TPRG1: variants seen among roughly 807,000 people sequenced by gnomAD.
TPRG1 encodes tumor protein p63 regulated 1.
Under a neutral mutation model 29.3 loss-of-function variants are expected in TPRG1, and 29 were observed. That is an observed-to-expected ratio of 0.99 (90% CI 0.74 to 1.35). The LOEUF (loss-of-function observed/expected upper bound fraction) is 1.35, where lower values mean the gene tolerates loss of function less well. Among genes scored for constraint, TPRG1 ranks in the 40% most tolerant of loss-of-function variants. The pLI is 0.00. For synonymous variants in TPRG1, 130 were observed against 116.8 expected (o/e 1.11, Z -0.73); for missense variants, 327 against 335.0 (o/e 0.98, Z 0.19).
intron 3 of TPRG1, among the ~76,000 whole-genome samples, chr3:189,017,106 C>T (rs1156489370): frequency 1.3e-5 from 2 of 151,682 alleles, no homozygotes; most frequent in East Asian, 1.9e-4. Flanking sequence ...TTTCATAATC[C>T]CATATTTCTT....
At chr3:189,283,500 T>C (rs2109150185) in intron 4 of TPRG1, among the ~76,000 whole-genome samples, 1 of 152,348 alleles carries the variant, frequency 6.6e-6, no homozygotes, top group South Asian at 2.1e-4. Context: ...TCAGAGTGCT[T>C]TAATTTTAAT....
intron 2 of TPRG1, among the ~76,000 whole-genome samples, chr3:189,003,061 C>A (rs967538418): frequency 2.0e-5 from 3 of 152,112 alleles, no homozygotes; most frequent in African/African-American, 7.2e-5. Flanking sequence ...TCGGCTTAAC[C>A]TGTTAGGTGT....
At chr3:189,159,540 C>T (rs1169422609) in intron 5 of TPRG1, among the ~76,000 whole-genome samples, 1 of 152,098 alleles carries the variant, frequency 6.6e-6, no homozygotes, top group Non-Finnish European at 1.5e-5. Context: ...CCCACATAAA[C>T]TATAGAGTAC....
At chr3:189,103,523 T>C (rs1341779617) in intron 1 of TPRG1, among the ~76,000 whole-genome samples, 1 of 152,190 alleles carries the variant, frequency 6.6e-6, no homozygotes, top group East Asian at 1.9e-4. Flanking sequence ...AATCATTCCA[T>C]GTGTCCTTAT....
rs141912571 is a variant in TPRG1 at position 189,231,785 on chromosome 3, T to C, written c.303-6948T>C. On this transcript the variant is annotated intron_variant, in intron 3 of 5. Coordinates refer to ENST00000345063, the MANE Select transcript of TPRG1 (RefSeq NM_198485.4). ...CATCTGTATTTATCAGGATTGTTGGTGAAGATTAAAAGAGATGATATGTGC... is the reference window on the plus strand; with the variant it reads ...CATCTGTATTTATCAGGATTGTTGGCGAAGATTAAAAGAGATGATATGTGC... 3.6e-3 allele frequency among the ~76,000 whole-genome samples: 551 copies of C among 152,292 alleles called. 4 individuals are homozygous for C. The highest frequency in any genetic ancestry group is 0.012 in the African/African-American group (512 of 41,552).
intron 3 of TPRG1, among the ~76,000 whole-genome samples, chr3:189,218,395 C>T (rs913664469): frequency 2.0e-5 from 3 of 152,132 alleles, no homozygotes; most frequent in Non-Finnish European, 2.9e-5. Context: ...GGATTACAGG[C>T]GTGAGCCATC....
rs200921984 is a variant in TPRG1, at chr3:189,126,829, C to T, written c.-743-228C>T. On this transcript the variant is annotated intron_variant, in intron 1 of 6. Coordinates refer to the TPRG1 transcript ENST00000412373. ...TTGCTAGTTGTATCTTATTTGATTC[C>T]TACCAAACCCTGTAGGGAAAGAAAG... Among the ~76,000 whole-genome samples, 8 of 152,286 alleles carry T rather than the reference C, an allele frequency of 5.3e-5. No individual in the cohort carries two copies. In the East Asian group the frequency reaches 1.5e-3, roughly 29 times the overall value.
intron 4 of TPRG1, among the ~76,000 whole-genome samples, chr3:189,273,317 G>A (rs934345458): frequency 6.6e-6 from 1 of 152,166 alleles, no homozygotes; most frequent in African/African-American, 2.4e-5. Context: ...GTATGATGTG[G>A]CAAGTGCTGC....
At chr3:189,131,933 TACTA>T (rs948020762) in intron 2 of TPRG1, among the ~76,000 whole-genome samples, 40 of 152,306 alleles carry the variant, frequency 2.6e-4, no homozygotes, top group Admixed American at 7.2e-4. Flanking sequence ...TTCAAAGGAA[TACTA>T]ACTAAGATTT....
At chr3:189,275,191 C>G (rs551713478) in intron 4 of TPRG1, among the ~76,000 whole-genome samples, 1 of 152,174 alleles carries the variant, frequency 6.6e-6, no homozygotes, top group East Asian at 1.9e-4. Flanking sequence ...CAACAAACAG[C>G]ATACATACAG....
At chr3:189,060,860 C>T (rs2152144444) in intron 4 of TPRG1, among the ~76,000 whole-genome samples, 1 of 152,208 alleles carries the variant, frequency 6.6e-6, no homozygotes, top group Middle Eastern at 3.4e-3. Flanking sequence ...ATGAAAATGG[C>T]CATACTGCCC....
At chr3:189,148,297 A>G (rs1176246065) in intron 4 of TPRG1, among the ~76,000 whole-genome samples, 1 of 152,258 alleles carries the variant, frequency 6.6e-6, no homozygotes, top group Non-Finnish European at 1.5e-5. Context: ...TCAGCAAAAC[A>G]GCAACGTATA....
intron 4 of TPRG1, among the ~76,000 whole-genome samples, chr3:189,275,234 T>C (rs1168244045): frequency 6.6e-6 from 1 of 152,106 alleles, no homozygotes; most frequent in Non-Finnish European, 1.5e-5. Flanking sequence ...ACAATCTTAA[T>C]AGAATAACCA....
chr3:189,189,969 G>A (rs1033206830), intron 1 of TPRG1, among the ~76,000 whole-genome samples: 1 of 152,166 alleles, frequency 6.6e-6, no homozygotes, highest in Admixed American at 6.6e-5. Flanking sequence ...GATTATTATA[G>A]ACTGGCTATA....
chr3:189,318,968 C>T (rs181898602), intron 5 of TPRG1, among the ~76,000 whole-genome samples: 3 of 152,262 alleles, frequency 2.0e-5, no homozygotes, highest in Admixed American at 1.3e-4. Flanking sequence ...GGAGTTAAGT[C>T]AGGAGACCTG....
intron 4 of TPRG1, among the ~76,000 whole-genome samples, chr3:189,270,682 C>G (rs1714970413): frequency 6.6e-6 from 1 of 152,182 alleles, no homozygotes; most frequent in Non-Finnish European, 1.5e-5. Context: ...GGATGAGACA[C>G]TGTATTCGGC....
intron 4 of TPRG1, among the ~76,000 whole-genome samples, chr3:189,079,642 T>G (rs1221354409): frequency 6.6e-6 from 1 of 152,182 alleles, no homozygotes; most frequent in Non-Finnish European, 1.5e-5. Context: ...AGATTCCTGG[T>G]CTTGAAAATA....
chr3:189,242,235 G>T (rs1740732305), intron 4 of TPRG1, among the ~76,000 whole-genome samples: 1 of 151,916 alleles, frequency 6.6e-6, no homozygotes, highest in Non-Finnish European at 1.5e-5. Flanking sequence ...TTCTCTGTGT[G>T]TTTCTGTACC....
chr3:189,183,380 C>A (rs1730499264), intron 1 of TPRG1, among the ~76,000 whole-genome samples: 1 of 152,078 alleles, frequency 6.6e-6, no homozygotes, highest in Non-Finnish European at 1.5e-5. Context: ...AGGACCGGGG[C>A]AAAATTAAGA....
Sources: allele counts gnomAD v4.1 joint callset (sites outside exome capture counted in the v4.1 genomes callset), GRCh38; gene constraint gnomAD v4.1.1; transcripts MANE v1.5; gene names NCBI Gene and HGNC (gene_info 2026-07-23, HGNC 2026-07-21).